Variants in TAF3 observed in about 807,000 individuals in gnomAD.
TAF3 encodes the protein TATA-box binding protein associated factor 3.
In TAF3, 7 loss-of-function variants were observed where a neutral mutation model predicts 80.6. That is an observed-to-expected ratio of 0.09 (90% CI 0.05 to 0.16). The LOEUF (loss-of-function observed/expected upper bound fraction) is 0.16, where lower values mean the gene tolerates loss of function less well. Ranked by LOEUF, TAF3 falls within the 10% of genes least tolerant of loss-of-function variation. The pLI is 1.00. For synonymous variants in TAF3, 444 were observed against 446.1 expected (o/e 1.00, Z 0.06); for missense variants, 921 against 1,140.2 (o/e 0.81, Z 2.77).
At chr10:7,975,952 A>G (rs1304620530) in intron 3 of TAF3, among the ~76,000 whole-genome samples, 1 of 152,196 alleles carries the variant, frequency 6.6e-6, no homozygotes, top group African/African-American at 2.4e-5. Flanking sequence ...ACAGTGCCTT[A>G]CAACAAAGAA....
At chr10:7,929,009 T>G (rs959844314) in intron 2 of TAF3, among the ~76,000 whole-genome samples, 14 of 152,232 alleles carry the variant, frequency 9.2e-5, no homozygotes, top group African/African-American at 3.4e-4. Context: ...TTTATTCTTT[T>G]GTTGCAAAGC....
At chr10:7,845,788 G>A (rs1220603336) in intron 2 of TAF3, among the ~76,000 whole-genome samples, 1 of 152,024 alleles carries the variant, frequency 6.6e-6, no homozygotes, top group Admixed American at 6.6e-5. Context: ...AGTCTTTTCT[G>A]ATTTTTAACT....
At chr10:8,005,128 C>T (rs191451431) in intron 4 of TAF3, among the ~76,000 whole-genome samples, 392 of 152,276 alleles carry the variant, frequency 2.6e-3, no homozygotes, top group African/African-American at 9.0e-3. Context: ...TGACTTCCTA[C>T]GACCTATATT....
Position 7,989,269 on chromosome 10 carries a change from C to T in TAF3, c.2315+11946C>T, listed in dbSNP as rs187817438. 1.5e-4 allele frequency among the ~76,000 whole-genome samples: 23 copies of T among 152,198 alleles called. No individual in the cohort carries two copies. In the East Asian group the frequency reaches 3.3e-3, roughly 22 times the overall value. ...CTTGGATCTAGAGGTAGGATAAAGCCCACTCAGGCCACATGGACAGAAAGA... is the reference window on the plus strand; with the variant it reads ...CTTGGATCTAGAGGTAGGATAAAGCTCACTCAGGCCACATGGACAGAAAGA... On this transcript the variant is annotated intron_variant, in intron 4 of 6. Transcript: ENST00000344293.
rs17143071 is a variant in TAF3, at chr10:7,894,359, A to G, written c.410-69561A>G. Among the ~76,000 whole-genome samples, 571 of 152,322 alleles carry G rather than the reference A, an allele frequency of 3.7e-3. 2 individuals are homozygous for G. The highest frequency in any genetic ancestry group is 0.012 in the African/African-American group (517 of 41,572). On this transcript the variant is annotated intron_variant, in intron 2 of 6. Coordinates refer to ENST00000344293, the MANE Select transcript of TAF3 (RefSeq NM_031923.4). ...AAGGTAGACAAGTATTATACAGAAC[A>G]TCAAAATCCATCAAGTACTCGTTGC... is the stretch of plus-strand genomic sequence containing the variant.
intron 2 of TAF3, among the ~76,000 whole-genome samples, chr10:7,847,441 A>C (rs1193497074): frequency 6.6e-6 from 1 of 152,182 alleles, no homozygotes; most frequent in Non-Finnish European, 1.5e-5. Flanking sequence ...AAAAGGTTAC[A>C]TGTGTTTAAA....
At chr10:7,914,289 G>C (rs1413702416) in intron 2 of TAF3, among the ~76,000 whole-genome samples, 1 of 152,234 alleles carries the variant, frequency 6.6e-6, no homozygotes, top group African/African-American at 2.4e-5. Flanking sequence ...CGGGGTAAGA[G>C]GAAAATGGTT....
chr10:8,008,181 C>T (rs1204462224), intron 4 of TAF3, among the ~76,000 whole-genome samples: 22 of 148,428 alleles, frequency 1.5e-4, no homozygotes, highest in Non-Finnish European at 3.3e-4. Context: ...ACTGTAACCT[C>T]TGCCTCCTGG....
intron 4 of TAF3, among the ~76,000 whole-genome samples, chr10:7,997,562 A>G (rs138226550): frequency 6.6e-6 from 1 of 152,328 alleles, no homozygotes; most frequent in East Asian, 1.9e-4. Context: ...GTGGGGAAAC[A>G]GGTAAAGAAA....
rs750946711 is a variant in TAF3, at chr10:8,009,318, C to T, written c.2556C>T (p.Val852=). Residue 852 remains valine, a synonymous_variant, in exon 5 of 7, where the codon GTC becomes GTT. Coordinates refer to ENST00000344293, the MANE Select transcript of TAF3 (RefSeq NM_031923.4). This position sits in a 1 kb window ranked among gnomAD's most constrained non-coding sequence, Gnocchi z 4.1. Reference sequence around the variant, plus strand: ...TGCGCAGCGTGGTGACTGAGACGGTCAGCACCTACGTGGTGCGTACCTGCC... The same window carrying T: ...TGCGCAGCGTGGTGACTGAGACGGTTAGCACCTACGTGGTGCGTACCTGCC... The part of the protein sequence containing the change: ...APVRSVVTET[V]STYVIRDEWG... 3.8e-6 allele frequency: 6 copies of T among 1,591,864 alleles called. No individual in the cohort carries two copies. The Admixed American group carries it at 1.0e-4, about 27-fold the overall frequency.
At chr10:7,989,797 T>C (rs1002959274) in intron 4 of TAF3, among the ~76,000 whole-genome samples, 2 of 152,148 alleles carry the variant, frequency 1.3e-5, no homozygotes, top group Non-Finnish European at 2.9e-5. Context: ...GAATGATTGT[T>C]AGTTAGGTAA....
chr10:7,928,335 T>C (rs1837835308), intron 2 of TAF3, among the ~76,000 whole-genome samples: 1 of 152,226 alleles, frequency 6.6e-6, no homozygotes, highest in African/African-American at 2.4e-5. Context: ...AGCTAATTGA[T>C]ATTGTTACAC....
chr10:7,918,293 C>T (rs2131186213), intron 2 of TAF3, among the ~76,000 whole-genome samples: 1 of 152,118 alleles, frequency 6.6e-6, no homozygotes, highest in Middle Eastern at 3.4e-3. Context: ...GAGAATGATC[C>T]AGGGAAGAGG....
At chr10:7,957,333 C>G (rs1049207454) in intron 2 of TAF3, among the ~76,000 whole-genome samples, 1 of 152,070 alleles carries the variant, frequency 6.6e-6, no homozygotes, top group African/African-American at 2.4e-5. Context: ...TTCACATCAC[C>G]CACAGATACT....
At position 7,861,533 on chromosome 10, in the gene TAF3, A is replaced by C. The variant is rs891486439; in HGVS notation, c.409+36973A>C. Among the ~76,000 whole-genome samples the C allele has an allele frequency of 2.0e-5, 3 of 152,188 alleles. No homozygotes were observed. In the South Asian group the frequency reaches 6.2e-4, roughly 31 times the overall value. On this transcript the variant is annotated intron_variant, in intron 2 of 6. Transcript: ENST00000344293. The stretch of plus-strand genomic sequence containing the variant: ...GTATATGTCATGACTGAGACGTGAA[A>C]TCAGCCATTTCTCAAAAAAGTCCAT...
chr10:8,013,595 G>A (rs1832073982), intron 5 of TAF3, 136 bp from the exon 6 acceptor site: 1 of 607,980 alleles, frequency 1.6e-6, no homozygotes, highest in Admixed American at 2.8e-5. Flanking sequence ...TTAATGAAGT[G>A]CTGATCTACT....
At chr10:8,001,248 C>T (rs1413994760) in intron 4 of TAF3, among the ~76,000 whole-genome samples, 2 of 152,130 alleles carry the variant, frequency 1.3e-5, no homozygotes, top group Admixed American at 1.3e-4. Flanking sequence ...AATACTGGAC[C>T]AACCATCTCT....
Position 7,965,037 on chromosome 10 carries a change from TGAG to T in TAF3, c.1531_1533del (p.Glu511del), listed in dbSNP as rs1392597383. The T allele has an allele frequency of 2.5e-6, 4 of 1,613,950 alleles. No individual in the cohort carries two copies. Among genetic ancestry groups the T allele is most frequent in the Non-Finnish European group, 8.5e-7 (1 of 1,180,014 alleles). The stretch of plus-strand genomic sequence containing the variant: ...CTCCCGAACCTCTCCACAAGGTGTA[TGAG>T]GAGAAAACCAAGCTGCCTTCCTCCG... On this transcript the variant is annotated inframe_deletion, in exon 3 of 7. Transcript: ENST00000344293.
intron 1 of TAF3, among the ~76,000 whole-genome samples, chr10:7,820,622 G>C (rs1254678889): frequency 6.6e-6 from 1 of 152,110 alleles, no homozygotes; most frequent in Non-Finnish European, 1.5e-5. Flanking sequence ...AGCCTTCCAA[G>C]TAGCTGGGAC....
Sources: gnomAD v4.1 joint callset for allele counts (sites outside exome capture counted in the v4.1 genomes callset) on GRCh38, gnomAD v4.1.1 for gene constraint, Gnocchi (gnomAD v3.1) non-coding constraint, MANE v1.5 for transcripts, NCBI Gene and HGNC (gene_info 2026-07-23, HGNC 2026-07-21) for gene names.